FNBP1L: variants seen among roughly 807,000 people sequenced by gnomAD.
The protein encoded by FNBP1L is formin binding protein 1 like.
In FNBP1L, 36 loss-of-function variants were observed where a neutral mutation model predicts 91.2. The observed-to-expected ratio is 0.39, with a 90% confidence interval of 0.30 to 0.52. The LOEUF (loss-of-function observed/expected upper bound fraction) is 0.52. Among genes scored for constraint, FNBP1L ranks in the 20% least tolerant of loss-of-function variants. The pLI is 0.66. For missense variants in FNBP1L, 571 were observed against 732.1 expected, an observed-to-expected ratio of 0.78 and a Z score of 2.54; for synonymous variants, 242 against 237.0, an observed-to-expected ratio of 1.02 and a Z score of -0.19.
chr1:93,461,020 A>G (rs72961366), intron 1 of FNBP1L, among the ~76,000 whole-genome samples: 3,751 of 152,080 alleles, frequency 0.025, 125 homozygotes, highest in African/African-American at 0.083. Flanking sequence ...CCAAGTTTGC[A>G]TTTTTTTCTT....
chr1:93,472,681 G>A (rs1187143936), intron 1 of FNBP1L, among the ~76,000 whole-genome samples: 5 of 151,568 alleles, frequency 3.3e-5, no homozygotes, highest in Admixed American at 6.6e-5. Context: ...GCGTGTTGGC[G>A]GGCGCCTGTA....
chr1:93,509,764 C>T (rs1405712976), intron 2 of FNBP1L, among the ~76,000 whole-genome samples: 3 of 152,204 alleles, frequency 2.0e-5, no homozygotes, highest in East Asian at 1.9e-4. Context: ...GCACCGTGCA[C>T]GAGCCCTGCT....
At chr1:93,524,135 C>T (rs889314746) in intron 4 of FNBP1L, 126 bp from the exon 5 acceptor site, 9 of 654,668 alleles carry the variant, frequency 1.4e-5, no homozygotes, top group Admixed American at 4.2e-5. Context: ...TAATTAGTAC[C>T]TTGAAAAAAA....
intron 1 of FNBP1L, among the ~76,000 whole-genome samples, chr1:93,497,191 T>C (rs1670293952): frequency 6.6e-6 from 1 of 151,698 alleles, no homozygotes; most frequent in Admixed American, 6.6e-5. Flanking sequence ...CTCGATCTCC[T>C]GAACTCGTGA....
At chr1:93,459,037 G>A (rs1037072378) in intron 1 of FNBP1L, among the ~76,000 whole-genome samples, 1 of 152,176 alleles carries the variant, frequency 6.6e-6, no homozygotes. Flanking sequence ...CACTTTGGGA[G>A]GCCAAGGTGG....
At position 93,522,112 on chromosome 1, in the gene FNBP1L, T is replaced by C. The variant is rs773132033; in HGVS notation, c.171T>C (p.Arg57=). ...TGGTTAAGAAGTACTGCCCCAAACG[T>C]TCATCCAAAGATGAAGAGCCACGGT... is the stretch of plus-strand genomic sequence containing the variant. The part of the protein sequence containing the change: ...RNLVKKYCPK[R]SSKDEEPRFT... Residue 57 remains arginine (R), a synonymous_variant, in exon 3 of 17, where the codon CGT becomes CGC. Coordinates refer to ENST00000271234, the MANE Select transcript of FNBP1L (RefSeq NM_001164473.3). 2.0e-6 allele frequency: 3 copies of C among 1,521,856 alleles called. No individual in the cohort carries two copies. The highest frequency in any genetic ancestry group is 2.6e-6 in the Non-Finnish European group (3 of 1,134,180). 94.3% of individuals were successfully genotyped at this position (1,521,856 alleles called of 1,614,324 possible). A position where few individuals can be genotyped will look rare whatever the true frequency, so the allele number is the denominator to read the frequency against.
At chr1:93,547,492 C>T (rs1672281435) in intron 14 of FNBP1L, 51 bp downstream of exon 14, 2 of 1,447,002 alleles carry the variant, frequency 1.4e-6, no homozygotes, top group Admixed American at 4.0e-5. Flanking sequence ...TTTTCTCACC[C>T]TTTTGTCCTA....
intron 10 of FNBP1L, among the ~76,000 whole-genome samples, chr1:93,540,609 C>T (rs1253167462): frequency 6.6e-6 from 1 of 152,044 alleles, no homozygotes; most frequent in Non-Finnish European, 1.5e-5. Context: ...CTTTAACACA[C>T]TGGAAAGAAC....
chr1:93,550,806 T>C lies in FNBP1L; in HGVS notation c.1652-141T>C, dbSNP rs184985425. 31 of 777,490 alleles carry C rather than the reference T, an allele frequency of 4.0e-5. No homozygotes were observed. The African/African-American group carries it at 4.4e-4, about 11-fold the overall frequency. 48.2% of individuals were successfully genotyped at this position (777,490 alleles called of 1,614,324 possible). ...GTGCTGGGTAAGCCACAAAGCACAA[T>C]AGAGATGTTGCTAGTGAGAGTCAGT... is the stretch of plus-strand genomic sequence containing the variant. On this transcript the variant is annotated intron_variant, in intron 15 of 16. Transcript: ENST00000271234.
intron 1 of FNBP1L, among the ~76,000 whole-genome samples, chr1:93,450,077 T>TA (rs1668437187): frequency 2.0e-5 from 3 of 152,150 alleles, no homozygotes; most frequent in African/African-American, 7.2e-5. Flanking sequence ...ATTTAACTCT[T>TA]AAGATTTTTA....
At chr1:93,528,549 C>T (rs903941266) in intron 5 of FNBP1L, among the ~76,000 whole-genome samples, 7 of 152,156 alleles carry the variant, frequency 4.6e-5, no homozygotes, top group Admixed American at 1.3e-4. Flanking sequence ...TAGGAGGCTG[C>T]TGCTGAATGT....
At chr1:93,474,454 T>A (rs1011651552) in intron 1 of FNBP1L, among the ~76,000 whole-genome samples, 65 of 152,132 alleles carry the variant, frequency 4.3e-4, no homozygotes, top group Middle Eastern at 6.8e-3. Context: ...AGTATTGAGA[T>A]AAGATAAGCA....
At chr1:93,534,056 A>G (rs1671767767) in intron 8 of FNBP1L, among the ~76,000 whole-genome samples, 1 of 152,184 alleles carries the variant, frequency 6.6e-6, no homozygotes, top group Non-Finnish European at 1.5e-5. Flanking sequence ...AGGTAGAGGT[A>G]TGTATGTCTA....
intron 1 of FNBP1L, among the ~76,000 whole-genome samples, chr1:93,485,286 A>T (rs1669861970): frequency 6.6e-6 from 1 of 152,166 alleles, no homozygotes; most frequent in African/African-American, 2.4e-5. Flanking sequence ...CACACAACAG[A>T]TATGCTCTGA....
At chr1:93,501,779 T>G (rs190838626) in intron 2 of FNBP1L, among the ~76,000 whole-genome samples, 1 of 152,286 alleles carries the variant, frequency 6.6e-6, no homozygotes, top group East Asian at 1.9e-4. Flanking sequence ...ATCCTGCACC[T>G]TCAAGAAAAT....
chr1:93,536,228 T>C (rs1480461448), intron 9 of FNBP1L, 104 bp from the exon 10 acceptor site: 1 of 744,260 alleles, frequency 1.3e-6, no homozygotes, highest in Non-Finnish European at 1.9e-6. Flanking sequence ...AAACTTTATT[T>C]GAGATATATT....
At chr1:93,485,800 G>A (rs1038418144) in intron 1 of FNBP1L, among the ~76,000 whole-genome samples, 1 of 152,132 alleles carries the variant, frequency 6.6e-6, no homozygotes, top group African/African-American at 2.4e-5. Flanking sequence ...GGGTTCAAAC[G>A]ATTCTCCTGC....
At chr1:93,542,975 C>T (rs1220564108) in intron 11 of FNBP1L, among the ~76,000 whole-genome samples, 1 of 151,756 alleles carries the variant, frequency 6.6e-6, no homozygotes, top group Non-Finnish European at 1.5e-5. Flanking sequence ...TTAGTAGAGA[C>T]AGGGTTTCAT....
At chr1:93,448,563 C>T (rs1393746794) in intron 1 of FNBP1L, among the ~76,000 whole-genome samples, 1 of 152,130 alleles carries the variant, frequency 6.6e-6, no homozygotes, top group African/African-American at 2.4e-5. Context: ...GCCGGGGGAG[C>T]AGCCCGCGGG....
Sources: allele counts gnomAD v4.1 joint callset (sites outside exome capture counted in the v4.1 genomes callset), GRCh38; gene constraint gnomAD v4.1.1; transcripts MANE v1.5; gene names NCBI Gene and HGNC (gene_info 2026-07-23, HGNC 2026-07-21).